The following ARHGAP32 variants were observed in gnomAD, a reference collection of about 807,000 sequenced individuals.
ARHGAP32 encodes rho GTPase-activating protein 32.
Under a neutral mutation model 186.5 loss-of-function variants are expected in ARHGAP32, and 51 were observed. The ratio of observed to expected loss-of-function variants is 0.27; its 90% CI spans 0.22 to 0.35. The LOEUF (loss-of-function observed/expected upper bound fraction) is 0.35, where lower values mean the gene tolerates loss of function less well. ARHGAP32 is among the 10% of genes least tolerant of loss of function. The pLI is 1.00. For synonymous variants in ARHGAP32, 950 were observed against 964.3 expected (o/e 0.99, Z 0.27); for missense variants, 2,186 against 2,623.5 (o/e 0.83, Z 3.64).
intron 5 of ARHGAP32, among the ~76,000 whole-genome samples, chr11:129,110,821 A>G (rs1344201019): frequency 6.6e-6 from 1 of 152,190 alleles, no homozygotes; most frequent in African/African-American, 2.4e-5. Flanking sequence ...CAGATCAAAA[A>G]GTTTTCTGTG....
At chr11:129,142,450 C>A (rs1943075182) in intron 2 of ARHGAP32, among the ~76,000 whole-genome samples, 1 of 152,072 alleles carries the variant, frequency 6.6e-6, no homozygotes, top group Non-Finnish European at 1.5e-5. Context: ...TTTGACAAGG[C>A]ACCGTAGTCA....
chr11:129,144,210 A>C (rs2135435448), intron 2 of ARHGAP32, among the ~76,000 whole-genome samples: 1 of 152,324 alleles, frequency 6.6e-6, no homozygotes, highest in East Asian at 1.9e-4. Flanking sequence ...GCAGGTCCTT[A>C]GAAAAATCAT....
At chr11:129,087,258 C>T (rs868562078) in intron 6 of ARHGAP32, among the ~76,000 whole-genome samples, 1 of 152,200 alleles carries the variant, frequency 6.6e-6, no homozygotes, top group South Asian at 2.1e-4. Flanking sequence ...CCCAAATGAA[C>T]TGAAAACTTA....
intron 2 of ARHGAP32, among the ~76,000 whole-genome samples, chr11:129,140,865 T>C (rs1298246840): frequency 6.6e-6 from 1 of 152,200 alleles, no homozygotes; most frequent in African/African-American, 2.4e-5. Flanking sequence ...ACAACACTCT[T>C]TCCCCCTAAA....
chr11:128,978,600 G>A (rs952773502), intron 19 of ARHGAP32, among the ~76,000 whole-genome samples, 170 bp downstream of exon 19: 11 of 152,110 alleles, frequency 7.2e-5, no homozygotes, highest in African/African-American at 2.4e-4. Flanking sequence ...TATAATTTAT[G>A]TTACTCTTCA....
chr11:128,987,947 G>T, intron 13 of ARHGAP32, 76 bp downstream of exon 13: 2 of 945,022 alleles, frequency 2.1e-6, no homozygotes, highest in Non-Finnish European at 3.3e-6. Flanking sequence ...GGTTATCAAA[G>T]TAAGTGAATC....
chr11:129,206,924 G>GC (rs1201531877), intron 1 of ARHGAP32, among the ~76,000 whole-genome samples: 1 of 151,808 alleles, frequency 6.6e-6, no homozygotes, highest in East Asian at 1.9e-4. Flanking sequence ...CCCCCAACAG[G>GC]CCCCGGTGTG....
At chr11:128,973,569 A>T in intron 21 of ARHGAP32, 137 bp from the exon 22 acceptor site, 1 of 894,266 alleles carries the variant, frequency 1.1e-6, no homozygotes, top group Non-Finnish European at 1.7e-6. Context: ...ATGATCTTCT[A>T]TCCCACATGC....
chr11:129,242,825 C>G (rs1438426716), intron 1 of ARHGAP32, among the ~76,000 whole-genome samples: 1 of 151,350 alleles, frequency 6.6e-6, no homozygotes, highest in Non-Finnish European at 1.5e-5. Flanking sequence ...ACCTCTGTAC[C>G]AAAAGATTTT....
intron 1 of ARHGAP32, among the ~76,000 whole-genome samples, chr11:129,247,142 T>G (rs1399062510): frequency 3.3e-5 from 5 of 152,208 alleles, no homozygotes; most frequent in Non-Finnish European, 5.9e-5. Flanking sequence ...ATTAAATGAT[T>G]AAAAACAATA....
At chr11:129,084,337 TAAGAAAA>T (rs1367643997) in intron 6 of ARHGAP32, among the ~76,000 whole-genome samples, 1 of 127,472 alleles carries the variant, frequency 7.8e-6, no homozygotes, top group African/African-American at 2.9e-5. Context: ...AAAGACATTC[TAAGAAAA>T]AAGAAAAAAA....
At chr11:128,983,519 A>G (rs1945774348) in intron 15 of ARHGAP32, among the ~76,000 whole-genome samples, 1 of 151,224 alleles carries the variant, frequency 6.6e-6, no homozygotes, top group African/African-American at 2.4e-5. Flanking sequence ...GGGGAGGGAT[A>G]GCATTAGGAG....
In ARHGAP32 at chr11:129,164,374, T is replaced by C. The variant is rs199889057; in HGVS notation, c.170A>G (p.His57Arg). ...SEEDDFVPELHRNVHPRERPD... is the reference protein window; with the variant it reads ...SEEDDFVPELRRNVHPRERPD... ...CCGCTCTCGAGGGTGTACATTTCTA[T>C]GTAGCTCTGGAACAAAATCATCTTC... is the stretch of plus-strand genomic sequence containing the variant. Residue 57 changes from histidine to arginine, a missense_variant, in exon 2 of 23, where the codon CAT becomes CGT. This residue lies in a region of ARHGAP32 where 108 missense variants were observed against 116.8 expected (regional missense o/e 0.92). Transcript: ENST00000682385. 966 of 1,583,612 alleles carry C rather than the reference T, an allele frequency of 6.1e-4. No homozygotes were observed. The highest frequency in any genetic ancestry group is 8.3e-4 in the Middle Eastern group (5 of 6,042).
At chr11:129,120,868 T>A (rs1942510915) in intron 5 of ARHGAP32, among the ~76,000 whole-genome samples, 1 of 152,112 alleles carries the variant, frequency 6.6e-6, no homozygotes, top group Admixed American at 6.5e-5. Flanking sequence ...ACAACCAAGT[T>A]GGCCAATTGA....
intron 11 of ARHGAP32, among the ~76,000 whole-genome samples, chr11:129,013,468 C>T (rs1037946491): frequency 6.6e-6 from 1 of 152,144 alleles, no homozygotes; most frequent in African/African-American, 2.4e-5. Context: ...TTCCAAAAGC[C>T]TTCAAAGGAA....
In ARHGAP32 at chr11:128,970,976, C is replaced by T. The variant is rs780463827; in HGVS notation, c.4237G>A (p.Ala1413Thr). 20 of 1,613,632 alleles carry T rather than the reference C, an allele frequency of 1.2e-5. No homozygotes were observed. The highest frequency in any genetic ancestry group is 5.0e-5 in the Admixed American group (3 of 59,996). ...CAGGGATGCGCAGGGACAGACTCGGCGCGCAGGTGCAGCAGCGGGACCCGG... is the reference window on the plus strand; with the variant it reads ...CAGGGATGCGCAGGGACAGACTCGGTGCGCAGGTGCAGCAGCGGGACCCGG... ...GARVPLLHLR[A>T]ESVPAHPCGF... The change falls in exon 23 of 23, where the codon GCC (alanine) becomes ACC (threonine). Residue 1413 changes from alanine to threonine, a missense_variant. By Grantham distance (58) the Ala-to-Thr change is moderately conservative. Around this residue, in one of 5 missense-constraint regions of ARHGAP32, gnomAD observed 1,502 missense variants for 1,570.0 expected, o/e 0.96. Coordinates refer to ENST00000682385, the MANE Select transcript of ARHGAP32 (RefSeq NM_001378024.1). This position sits in a 1 kb window ranked among gnomAD's most constrained non-coding sequence, Gnocchi z 5.8.
chr11:129,103,987 A>G (rs1008403733), intron 5 of ARHGAP32, among the ~76,000 whole-genome samples: 2 of 152,150 alleles, frequency 1.3e-5, no homozygotes, highest in African/African-American at 2.4e-5. Flanking sequence ...AAGTAACTAT[A>G]AAACACCTAA....
At chr11:129,068,255 G>T (rs1940761129) in intron 6 of ARHGAP32, among the ~76,000 whole-genome samples, 1 of 151,924 alleles carries the variant, frequency 6.6e-6, no homozygotes, top group Non-Finnish European at 1.5e-5. Context: ...GCCCTTTCTT[G>T]GCTTCCAGTT....
At chr11:129,233,978 G>A (rs959558986) in intron 1 of ARHGAP32, among the ~76,000 whole-genome samples, 4 of 151,842 alleles carry the variant, frequency 2.6e-5, no homozygotes, top group African/African-American at 9.7e-5. Context: ...ATAATATCAG[G>A]GGTTCAATTG....
Sources: allele counts gnomAD v4.1 joint callset (sites outside exome capture counted in the v4.1 genomes callset), GRCh38; gene constraint gnomAD v4.1.1; regional missense constraint gnomAD v4.1.1; non-coding constraint Gnocchi (gnomAD v3.1); transcripts MANE v1.5; gene names NCBI Gene and HGNC (gene_info 2026-07-23, HGNC 2026-07-21).